Variants in PML observed in about 807,000 individuals in gnomAD.
The protein encoded by PML is PML nuclear body scaffold.
A neutral mutation model predicts 65.2 loss-of-function variants in PML; 28 were observed. That is an observed-to-expected ratio of 0.43 (90% confidence interval 0.32 to 0.59). The LOEUF (loss-of-function observed/expected upper bound fraction) is 0.59, where lower values mean the gene tolerates loss of function less well. PML is among the 20% of genes least tolerant of loss of function. The pLI is 0.08. For synonymous variants in PML, 500 were observed against 508.8 expected (o/e 0.98, Z 0.23); for missense variants, 1,021 against 1,203.4 (o/e 0.85, Z 2.24).
Position 74,037,587 on chromosome 15 carries a change from C to T in PML, c.1710+3057C>T. 2.0e-6 allele frequency: 2 copies of T among 985,400 alleles called. No individual in the cohort carries two copies. Among genetic ancestry groups the T allele is most frequent in the Non-Finnish European group, 2.4e-6 (2 of 829,920 alleles). The allele number at this position is 985,400 out of a possible 1,614,324, so 61.0% of individuals were successfully genotyped here. On this transcript the variant is annotated intron_variant, in intron 7 of 8. Transcript: ENST00000268058. This position sits in a 1 kb window ranked among gnomAD's most constrained non-coding sequence, Gnocchi z 4.2. ...CAGCCCCCTCCTTGCCCCTTCTTCACCCCACCTCCTGCGCTTCCCCGCCAG... is the reference window on the plus strand; with the variant it reads ...CAGCCCCCTCCTTGCCCCTTCTTCATCCCACCTCCTGCGCTTCCCCGCCAG...
chr15:74,015,968 G>A (rs552561400), intron 2 of PML, among the ~76,000 whole-genome samples: 2 of 152,272 alleles, frequency 1.3e-5, no homozygotes, highest in South Asian at 2.1e-4. Context: ...CAGGAAACAC[G>A]TTGAGGCTTC....
intron 2 of PML, among the ~76,000 whole-genome samples, chr15:74,010,504 G>T (rs1301988098): frequency 1.4e-5 from 2 of 138,230 alleles, no homozygotes; most frequent in African/African-American, 5.3e-5. Flanking sequence ...GCAACAGAGC[G>T]AGGCCTTGTC....
chr15:73,998,594 C>A (rs758530098), intron 2 of PML, 118 bp downstream of exon 2: 3 of 850,596 alleles, frequency 3.5e-6, no homozygotes, highest in Non-Finnish European at 5.6e-6. Flanking sequence ...CCTTGCAACT[C>A]TAAATGTGGT....
intron 2 of PML, among the ~76,000 whole-genome samples, chr15:74,008,664 A>G (rs901573165): frequency 7.3e-5 from 11 of 151,638 alleles, no homozygotes; most frequent in Non-Finnish European, 1.6e-4. Context: ...GCGTGAACCC[A>G]GGAGGCGGAG....
chr15:74,032,097 T>A (rs1567135032), intron 4 of PML, among the ~76,000 whole-genome samples: 1 of 152,164 alleles, frequency 6.6e-6, no homozygotes, highest in Non-Finnish European at 1.5e-5. Context: ...AGTGAGCACT[T>A]TGTCCCTGGA....
intron 2 of PML, among the ~76,000 whole-genome samples, chr15:74,022,025 T>C (rs1197133093): frequency 6.6e-6 from 1 of 152,240 alleles, no homozygotes; most frequent in African/African-American, 2.4e-5. Flanking sequence ...TGGCACCATC[T>C]GGGCTCACCG....
intron 2 of PML, among the ~76,000 whole-genome samples, chr15:74,011,186 C>T (rs2070317473): frequency 6.6e-6 from 1 of 152,166 alleles, no homozygotes; most frequent in South Asian, 2.1e-4. Flanking sequence ...ACACCCTCAG[C>T]CCCAAATTCA....
At chr15:74,016,044 C>T (rs1222809559) in intron 2 of PML, among the ~76,000 whole-genome samples, 23 of 152,080 alleles carry the variant, frequency 1.5e-4, no homozygotes, top group African/African-American at 5.3e-4. Flanking sequence ...TTTGGGAGGC[C>T]GAGGTGGGCA....
In PML at chr15:74,033,218, G is replaced by C. The variant is rs1163353594; in HGVS notation, c.1461G>C (p.Lys487Asn). The change falls in exon 6 of 9, where the codon AAG becomes AAC. Residue 487 changes from lysine to asparagine, a missense_variant. Lys to Asn is a moderately conservative substitution (Grantham distance 94, BLOSUM62 0). Coordinates refer to ENST00000268058, the MANE Select transcript of PML (RefSeq NM_033238.3). ...RKCSQTQCPR[K>N]VIKMESEEGK... is the part of the protein sequence containing the mutation. Reference sequence around the variant, plus strand: ...GCAGCCAGACCCAGTGCCCCAGGAAGGTCATCAAGATGGAGTCTGAGGAGG... The same window carrying C: ...GCAGCCAGACCCAGTGCCCCAGGAACGTCATCAAGATGGAGTCTGAGGAGG... 2 of 1,614,210 alleles carry C rather than the reference G, an allele frequency of 1.2e-6. No individual in the cohort carries two copies. The highest frequency in any genetic ancestry group is 1.1e-5 in the South Asian group (1 of 91,080).
chr15:74,001,695 C>T (rs960653643), intron 2 of PML, among the ~76,000 whole-genome samples: 4 of 152,130 alleles, frequency 2.6e-5, no homozygotes, highest in Middle Eastern at 3.2e-3. Context: ...GGCTGTATGC[C>T]ATAACTTTGA....
At chr15:74,010,984 C>T (rs545916623) in intron 2 of PML, among the ~76,000 whole-genome samples, 8 of 152,174 alleles carry the variant, frequency 5.3e-5, no homozygotes, top group Non-Finnish European at 1.0e-4. Flanking sequence ...TAAGCAAAAG[C>T]TGGATTGATG....
intron 4 of PML, chr15:74,026,267 T>G (rs941402292): frequency 6.6e-6 from 1 of 151,970 alleles, no homozygotes; most frequent in Non-Finnish European, 1.5e-5. Flanking sequence ...GCTTCCGGGG[T>G]TCAAGCCATT....
intron 2 of PML, among the ~76,000 whole-genome samples, chr15:74,005,347 G>A (rs8023773): frequency 0.047 from 7,078 of 152,062 alleles, 242 homozygotes; most frequent in East Asian, 0.19. Flanking sequence ...CACTGCACCC[G>A]GCCCATTTGT....
intron 4 of PML, chr15:74,025,421 A>T (rs1016126067): frequency 4.7e-5 from 8 of 171,684 alleles, no homozygotes; most frequent in African/African-American, 1.9e-4. Context: ...TTCCCCACAG[A>T]TGGTTCTTGG....
intron 4 of PML, among the ~76,000 whole-genome samples, chr15:74,030,521 C>A (rs1371117592): frequency 6.6e-6 from 1 of 152,070 alleles, no homozygotes; most frequent in Non-Finnish European, 1.5e-5. Context: ...TGGGGCTGTG[C>A]GCCTGTAATC....
At position 74,034,549 on chromosome 15, in the gene PML, C is replaced by T. The variant is rs2071459541; in HGVS notation, c.1710+19C>T. ...AAACTCGGTGAGTGGCCCAGAAGTT[C>T]AGCCCAGGACTCCTGCCTCCCCCCA... On this transcript the variant is annotated intron_variant, in intron 7 of 8. Coordinates refer to ENST00000268058, the MANE Select transcript of PML (RefSeq NM_033238.3). 2.5e-6 allele frequency: 4 copies of T among 1,614,070 alleles called. No individual in the cohort carries two copies. Among genetic ancestry groups the T allele is most frequent in the Non-Finnish European group, 3.4e-6 (4 of 1,180,036 alleles).
Position 74,023,072 on chromosome 15 carries a change from G to T in PML, c.847G>T (p.Val283Leu). ...GACCGAGGAGCTGATCCGCGAGCGC[G>T]TGCGCCAGGTGGTAGCTCACGTGCG... Reference protein sequence around the residue: ...AETEELIRERVRQVVAHVRAQ... With the variant: ...AETEELIRERLRQVVAHVRAQ... Residue 283 changes from valine (V) to leucine (L), a missense_variant, in exon 3 of 9, where the codon GTG becomes TTG. Physicochemically the swap from Val to Leu is conservative, Grantham distance 32. Transcript: ENST00000268058. 1 of 1,602,786 alleles carries T rather than the reference G, an allele frequency of 6.2e-7. No individual in the cohort carries two copies.
intron 3 of PML, among the ~76,000 whole-genome samples, chr15:74,024,560 C>T (rs2070990196): frequency 6.6e-6 from 1 of 152,196 alleles, no homozygotes; most frequent in Non-Finnish European, 1.5e-5. Flanking sequence ...TATGATTGCG[C>T]ACACTTAGCC....
At chr15:74,040,436 C>A (rs1225716773) in intron 7 of PML, among the ~76,000 whole-genome samples, 2 of 152,170 alleles carry the variant, frequency 1.3e-5, no homozygotes, top group Non-Finnish European at 2.9e-5. Flanking sequence ...TATGCTCCCC[C>A]GACACCCAGT....
Sources: gnomAD v4.1 joint callset for allele counts (sites outside exome capture counted in the v4.1 genomes callset) on GRCh38, gnomAD v4.1.1 for gene constraint, Gnocchi (gnomAD v3.1) non-coding constraint, MANE v1.5 for transcripts, NCBI Gene and HGNC (gene_info 2026-07-23, HGNC 2026-07-21) for gene names.